Variants in MCMDC2 observed in about 807,000 individuals in gnomAD.
MCMDC2 encodes the protein minichromosome maintenance domain containing 2, also known as minichromosome maintenance domain-containing protein 2.
A neutral mutation model predicts 75.8 loss-of-function variants in MCMDC2; 54 were observed. That is an observed-to-expected ratio of 0.71 (90% CI 0.57 to 0.89). The LOEUF (loss-of-function observed/expected upper bound fraction) is 0.89, where lower values mean the gene tolerates loss of function less well. MCMDC2 is among the 40% of genes least tolerant of loss of function. The probability of loss-of-function intolerance (pLI) is 0.00; values close to 1 mark genes in which losing one functional copy is unlikely to be tolerated. For missense variants in MCMDC2, 656 were observed against 780.4 expected, an observed-to-expected ratio of 0.84 and a Z score of 1.90; for synonymous variants, 249 against 274.6, an observed-to-expected ratio of 0.91 and a Z score of 0.92.
intron 9 of MCMDC2, among the ~76,000 whole-genome samples, chr8:66,890,297 T>C (rs1308693103): frequency 6.6e-6 from 1 of 152,044 alleles, no homozygotes; most frequent in Admixed American, 6.6e-5. Flanking sequence ...AACTCTTGAC[T>C]TCAAGTGATC....
At chr8:66,895,252 T>C (rs1812294020) in intron 10 of MCMDC2, among the ~76,000 whole-genome samples, 1 of 152,196 alleles carries the variant, frequency 6.6e-6, no homozygotes, top group South Asian at 2.1e-4. Flanking sequence ...TCATCAGTGG[T>C]TGGTTGAATC....
intron 13 of MCMDC2, 101 bp from the exon 14 acceptor site, chr8:66,905,125 G>A (rs1812853390): frequency 5.5e-6 from 5 of 915,556 alleles, no homozygotes; most frequent in Non-Finnish European, 7.2e-6. Context: ...TATGCTTTAG[G>A]TGTGGCTAAG....
At chr8:66,896,358 T>C in intron 11 of MCMDC2, 22 bp downstream of exon 11, 1 of 1,549,324 alleles carries the variant, frequency 6.5e-7, no homozygotes, top group Non-Finnish European at 8.6e-7. Context: ...GTATATTTTA[T>C]TGTTAGAATG....
At chr8:66,872,548 T>TA (rs1811072125) in intron 1 of MCMDC2, among the ~76,000 whole-genome samples, 1 of 152,228 alleles carries the variant, frequency 6.6e-6, no homozygotes, top group African/African-American at 2.4e-5. Context: ...TGTTTACATA[T>TA]ATGTCTTCTC....
At position 66,919,158 on chromosome 8, in the gene MCMDC2, A is replaced by C. The variant is rs1235982329; in HGVS notation, c.2035A>C (p.Ser679Arg). 6.5e-7 allele frequency: 1 copy of C among 1,539,000 alleles called. No individual in the cohort carries two copies. The highest frequency in any genetic ancestry group is 2.1e-5 in the Admixed American group (1 of 47,218). The change falls in exon 15 of 15, where the codon AGT becomes CGT. Residue 679 changes from serine (S) to arginine (R), a missense_variant. Coordinates refer to ENST00000422365, the MANE Select transcript of MCMDC2 (RefSeq NM_173518.5). ...TYGPGTTIFS[S>R]DE ...TGGACCTGGGACAACTATTTTCTCT[A>C]GTGATGAATAAGCAATTTGAGGAAT...
At chr8:66,901,031 G>GTA (rs1812632478) in intron 12 of MCMDC2, among the ~76,000 whole-genome samples, 175 bp from the exon 13 acceptor site, 1 of 152,190 alleles carries the variant, frequency 6.6e-6, no homozygotes, top group African/African-American at 2.4e-5. Flanking sequence ...TCGTTTACAA[G>GTA]TATAACACTG....
intron 8 of MCMDC2, among the ~76,000 whole-genome samples, chr8:66,881,635 A>G (rs1447969785): frequency 2.0e-5 from 3 of 152,170 alleles, no homozygotes. Context: ...GCAGTGAGGC[A>G]ATATTGTACC....
At chr8:66,925,241 C>A (rs1030540614), downstream of MCMDC2, among the ~76,000 whole-genome samples, 3 of 152,216 alleles carry the variant, frequency 2.0e-5, no homozygotes, top group Non-Finnish European at 4.4e-5. Context: ...TGGTTACTCA[C>A]AAAACGCGAC....
chr8:66,876,910 G>A (rs1811314293), intron 4 of MCMDC2, among the ~76,000 whole-genome samples: 1 of 151,818 alleles, frequency 6.6e-6, no homozygotes, highest in Non-Finnish European at 1.5e-5. Context: ...ACAGGCGCCT[G>A]CCATCACACC....
rs1158152763 is a variant in MCMDC2, at chr8:66,921,035, A to G, written c.*1866A>G. The G allele has an allele frequency of 5.9e-5, 9 of 152,120 alleles. No homozygotes were observed. Among genetic ancestry groups the G allele is most frequent in the African/African-American group, 2.2e-4 (9 of 41,412 alleles). 9.4% of individuals were successfully genotyped at this position (152,120 alleles called of 1,614,324 possible). ...TATATGTAGCTGTCACCCAAGCTGT[A>G]GTGTACTGATGCAATCATAGCTCAC... On this transcript the variant is annotated 3_prime_UTR_variant, in exon 15 of 15. Coordinates refer to ENST00000422365, the MANE Select transcript of MCMDC2 (RefSeq NM_173518.5).
At chr8:66,880,700 C>T in intron 7 of MCMDC2, 149 bp from the exon 8 acceptor site, 1 of 700,956 alleles carries the variant, frequency 1.4e-6, no homozygotes, top group Non-Finnish European at 2.0e-6. Flanking sequence ...TTATTAGTGT[C>T]ACTCTATATG....
chr8:66,919,285 A>G lies in MCMDC2; in HGVS notation c.*116A>G. On this transcript the variant is annotated 3_prime_UTR_variant, in exon 15 of 15. Transcript: ENST00000422365. ...ATACTCTGTACAGGAATATATTACA[A>G]TACTGTTTTTAAAAATATAAAATAT... 1 of 742,922 alleles carries G rather than the reference A, an allele frequency of 1.3e-6. No individual in the cohort carries two copies. The highest frequency in any genetic ancestry group is 3.1e-5 in the East Asian group (1 of 32,294). The allele number at this position is 742,922 out of a possible 1,614,324, so 46.0% of individuals were successfully genotyped here.
intron 12 of MCMDC2, among the ~76,000 whole-genome samples, 193 bp downstream of exon 12, chr8:66,897,152 A>AT (rs1359685000): frequency 1.3e-5 from 2 of 152,140 alleles, no homozygotes; most frequent in Non-Finnish European, 2.9e-5. Flanking sequence ...CATGCCTATA[A>AT]TCCCAGCACT....
At chr8:66,888,059 A>AT (rs1292566992) in intron 9 of MCMDC2, among the ~76,000 whole-genome samples, 2 of 152,128 alleles carry the variant, frequency 1.3e-5, no homozygotes, top group East Asian at 3.8e-4. Context: ...GATCCTTTGC[A>AT]TTTTTAAATA....
chr8:66,922,333 C>T (rs1025856078), downstream of MCMDC2: 17 of 296,262 alleles, frequency 5.7e-5, no homozygotes, highest in South Asian at 3.7e-4. Flanking sequence ...CTTGAGGTAA[C>T]GAAGCAGAAG....
Position 66,901,293 on chromosome 8 carries a change from A to T in MCMDC2, c.1714A>T (p.Ile572Phe), listed in dbSNP as rs139345961. The T allele has an allele frequency of 5.6e-6, 9 of 1,614,008 alleles. No individual in the cohort carries two copies. Among genetic ancestry groups the T allele is most frequent in the Non-Finnish European group, 6.8e-6 (8 of 1,179,972 alleles). Residue 572 changes from isoleucine (I) to phenylalanine (F), a missense_variant, in exon 13 of 15, where the codon ATC (isoleucine) becomes TTC (phenylalanine). Ile to Phe is a conservative substitution (Grantham distance 21). Transcript: ENST00000422365. Reference protein sequence around the residue: ...THGYYLASRRIRTGSVCGSKL... With the variant: ...THGYYLASRRFRTGSVCGSKL... ...TGGCTATTATCTAGCAAGTCGCAGA[A>T]TCAGAACAGGCTCTGTATGTGGATC...
At chr8:66,923,803 G>C (rs950487856), downstream of MCMDC2, among the ~76,000 whole-genome samples, 2 of 151,926 alleles carry the variant, frequency 1.3e-5, no homozygotes, top group African/African-American at 4.8e-5. Flanking sequence ...AAGGAGAATC[G>C]CTTGAACCTG....
intron 9 of MCMDC2, among the ~76,000 whole-genome samples, chr8:66,885,894 C>T (rs1416494190): frequency 1.3e-5 from 2 of 152,180 alleles, no homozygotes; most frequent in East Asian, 3.9e-4. Flanking sequence ...GTCTCTCTTA[C>T]TCAACAAAAT....
chr8:66,873,731 C>A (rs987006121), intron 1 of MCMDC2, among the ~76,000 whole-genome samples: 1 of 151,784 alleles, frequency 6.6e-6, no homozygotes. Context: ...ACTAAAAATA[C>A]AAAAAATTAG....
Sources: gnomAD v4.1 joint callset for allele counts (sites outside exome capture counted in the v4.1 genomes callset) on GRCh38, gnomAD v4.1.1 for gene constraint, MANE v1.5 for transcripts, NCBI Gene and HGNC (gene_info 2026-07-23, HGNC 2026-07-21) for gene names.